Variants in TRPC4 observed in about 807,000 individuals in gnomAD.
The protein encoded by TRPC4 is short transient receptor potential channel 4.
In TRPC4, 49 loss-of-function variants were observed where a neutral mutation model predicts 99.4. That is an observed-to-expected ratio of 0.49 (90% CI 0.39 to 0.63). The LOEUF is 0.63. TRPC4 is among the 20% of genes least tolerant of loss of function. TRPC4 has a pLI of 0.00. For missense variants in TRPC4, 898 were observed against 1,152.9 expected, an observed-to-expected ratio of 0.78 and a Z score of 3.20; for synonymous variants, 454 against 425.9, an observed-to-expected ratio of 1.07 and a Z score of -0.81.
chr13:37,709,420 C>T (rs1176819631), intron 3 of TRPC4, among the ~76,000 whole-genome samples: 5 of 151,972 alleles, frequency 3.3e-5, no homozygotes, highest in African/African-American at 7.2e-5. Context: ...TTAACAATAA[C>T]AGTACTGATA....
At chr13:37,716,187 G>C (rs965057590) in intron 3 of TRPC4, among the ~76,000 whole-genome samples, 1 of 152,072 alleles carries the variant, frequency 6.6e-6, no homozygotes, top group African/African-American at 2.4e-5. Context: ...TGTGTTGTTG[G>C]TGTGACTTCC....
intron 6 of TRPC4, 55 bp from the exon 7 acceptor site, chr13:37,655,338 G>T: frequency 9.9e-7 from 1 of 1,009,600 alleles, no homozygotes; most frequent in Non-Finnish European, 1.3e-6. Context: ...CATTATACAT[G>T]GGATAAAACA....
At chr13:37,653,936 A>G (rs187852655) in intron 7 of TRPC4, among the ~76,000 whole-genome samples, 1 of 152,298 alleles carries the variant, frequency 6.6e-6, no homozygotes, top group African/African-American at 2.4e-5. Flanking sequence ...GAGTCTATTT[A>G]TAAAAATTTC....
At chr13:37,822,425 C>T (rs866902379) in intron 1 of TRPC4, among the ~76,000 whole-genome samples, 1 of 151,220 alleles carries the variant, frequency 6.6e-6, no homozygotes, top group African/African-American at 2.4e-5. Flanking sequence ...TCCCTCCCCC[C>T]CCACCCCACA....
At chr13:37,837,261 G>T (rs1277479084) in intron 1 of TRPC4, among the ~76,000 whole-genome samples, 1 of 152,216 alleles carries the variant, frequency 6.6e-6, no homozygotes, top group East Asian at 1.9e-4. Context: ...GTCCCTACCA[G>T]GGCACCACCT....
In TRPC4 at chr13:37,720,544, AG is replaced by A. The variant is rs140621628; in HGVS notation, c.897+25392del. Among the ~76,000 whole-genome samples the A allele has an allele frequency of 9.2e-3, 1,402 of 152,132 alleles. 13 individuals carry two copies. Among genetic ancestry groups the A allele is most frequent in the African/African-American group, 0.032 (1,334 of 41,496 alleles). ...TTCTGGTGTTCTGAATTATCTAGTG[AG>A]GATGGATTTAAATAGTCATTTTATT... is the stretch of plus-strand genomic sequence containing the variant. On this transcript the variant is annotated intron_variant, in intron 3 of 10. Coordinates refer to ENST00000379705, the MANE Select transcript of TRPC4 (RefSeq NM_016179.4).
chr13:37,783,316 G>C lies in TRPC4; in HGVS notation c.18C>G (p.Tyr6Ter). 1 of 1,577,290 alleles carries C rather than the reference G, an allele frequency of 6.3e-7. No homozygotes were observed. Among genetic ancestry groups the C allele is most frequent in the East Asian group, 2.2e-5 (1 of 44,492 alleles). MAQFY[Y>*]KRNVNAPYRD... is the part of the protein sequence containing the mutation. Reference sequence around the variant, plus strand: ...TATAGGGAGCATTAACATTTCTTTTGTAATAGAACTGAGCCATGTTTCATG... The same window carrying C: ...TATAGGGAGCATTAACATTTCTTTTCTAATAGAACTGAGCCATGTTTCATG... Residue 6 changes from tyrosine (Y) to a stop codon, truncating the protein, a stop_gained, in exon 2 of 11, where the codon TAC becomes TAG. Coordinates refer to ENST00000379705, the MANE Select transcript of TRPC4 (RefSeq NM_016179.4). LOFTEE classifies it high-confidence loss of function.
chr13:37,701,891 G>A (rs1954113774), intron 3 of TRPC4, among the ~76,000 whole-genome samples: 1 of 152,096 alleles, frequency 6.6e-6, no homozygotes, highest in Non-Finnish European at 1.5e-5. Flanking sequence ...TTTGCTCATT[G>A]TGTTAGTTCC....
At chr13:37,676,904 T>A (rs1356952385) in intron 4 of TRPC4, among the ~76,000 whole-genome samples, 1 of 148,260 alleles carries the variant, frequency 6.7e-6, no homozygotes. Context: ...AATGAAGATT[T>A]ATGTCCAGAA....
In TRPC4 at chr13:37,635,861, A is replaced by C. The variant is rs886997082; in HGVS notation, c.*1042T>G. On this transcript the variant is annotated 3_prime_UTR_variant, in exon 11 of 11. Transcript: ENST00000379705. ...ATATCTGCTGATAAAATTAATAATGATTTTTGAGTGATTTAATTTTAAAGA... is the reference window on the plus strand; with the variant it reads ...ATATCTGCTGATAAAATTAATAATGCTTTTTGAGTGATTTAATTTTAAAGA... 1.3e-5 allele frequency among the ~76,000 whole-genome samples: 2 copies of C among 152,108 alleles called. No individual in the cohort carries two copies. The highest frequency in any genetic ancestry group is 2.9e-5 in the Non-Finnish European group (2 of 68,000).
rs984419582 is a variant in TRPC4, at chr13:37,632,077, C to A, written c.*4826G>T. On this transcript the variant is annotated 3_prime_UTR_variant, in exon 11 of 11. Transcript: ENST00000379705. ...GAGATTAGGAATCAAGGAGAGACTGCAAACTTTAATAGAGCTACACAAAAC... is the reference window on the plus strand; with the variant it reads ...GAGATTAGGAATCAAGGAGAGACTGAAAACTTTAATAGAGCTACACAAAAC... Among the ~76,000 whole-genome samples, 9 of 152,146 alleles carry A rather than the reference C, an allele frequency of 5.9e-5. No individual in the cohort carries two copies. Among genetic ancestry groups the A allele is most frequent in the Non-Finnish European group, 1.0e-4 (7 of 68,028 alleles).
At chr13:37,856,077 T>C (rs965869021) in intron 1 of TRPC4, among the ~76,000 whole-genome samples, 7 of 151,474 alleles carry the variant, frequency 4.6e-5, no homozygotes, top group Non-Finnish European at 1.0e-4. Context: ...ATACAAAAGA[T>C]CAATGAAACA....
intron 4 of TRPC4, among the ~76,000 whole-genome samples, chr13:37,689,733 C>A (rs1220291778): frequency 6.6e-6 from 1 of 152,206 alleles, no homozygotes; most frequent in Non-Finnish European, 1.5e-5. Flanking sequence ...TGGTGTGTAG[C>A]AGGCAGCCAA....
In TRPC4 at chr13:37,642,249, A is replaced by T. The variant is rs1026849980; in HGVS notation, c.2080-2950T>A. ...CCAAAAGTTTTATGAACTTTTCGGC[A>T]TGACATTGAATTTTTGCTATGACCC... On this transcript the variant is annotated intron_variant, in intron 8 of 10. Coordinates refer to ENST00000379705, the MANE Select transcript of TRPC4 (RefSeq NM_016179.4). Among the ~76,000 whole-genome samples the T allele has an allele frequency of 1.3e-5, 2 of 152,198 alleles. 1 individual carries two copies. Among genetic ancestry groups the T allele is most frequent in the Admixed American group, 1.3e-4 (2 of 15,270 alleles).
chr13:37,661,800 A>AGT (rs1952448728), intron 6 of TRPC4, among the ~76,000 whole-genome samples: 1 of 143,242 alleles, frequency 7.0e-6, no homozygotes. Context: ...CACAAATAAG[A>AGT]CGGGAGCCAG....
intron 1 of TRPC4, among the ~76,000 whole-genome samples, chr13:37,792,215 A>G (rs1209741142): frequency 2.0e-5 from 3 of 152,186 alleles, no homozygotes; most frequent in Non-Finnish European, 2.9e-5. Context: ...TTAAGATGCC[A>G]TAATGACAGA....
chr13:37,744,538 C>G (rs1417885966), intron 3 of TRPC4, among the ~76,000 whole-genome samples: 1 of 152,056 alleles, frequency 6.6e-6, no homozygotes, highest in Non-Finnish European at 1.5e-5. Flanking sequence ...CCATGACAAC[C>G]AGATTAGCTT....
At chr13:37,731,087 T>G (rs1955224792) in intron 3 of TRPC4, among the ~76,000 whole-genome samples, 1 of 152,058 alleles carries the variant, frequency 6.6e-6, no homozygotes, top group Admixed American at 6.6e-5. Flanking sequence ...TGTATAAAAA[T>G]GAGATAATAC....
At chr13:37,731,364 T>C (rs922009260) in intron 3 of TRPC4, among the ~76,000 whole-genome samples, 1 of 152,016 alleles carries the variant, frequency 6.6e-6, no homozygotes, top group Non-Finnish European at 1.5e-5. Context: ...TCCTGAGATA[T>C]TAATAATTTT....
Sources: allele counts gnomAD v4.1 joint callset (sites outside exome capture counted in the v4.1 genomes callset), GRCh38; gene constraint gnomAD v4.1.1; transcripts MANE v1.5; gene names NCBI Gene and HGNC (gene_info 2026-07-23, HGNC 2026-07-21).